DNAJC17: variants seen among roughly 807,000 people sequenced by gnomAD.
The protein encoded by DNAJC17 is dnaJ homolog subfamily C member 17.
DNAJC17 carries 35 observed loss-of-function variants against 48.1 expected under a neutral mutation model. The observed-to-expected ratio is 0.73, with a 90% CI of 0.56 to 0.96. DNAJC17 has a LOEUF of 0.96. DNAJC17 is among the 50% of genes least tolerant of loss of function. The pLI, the probability that DNAJC17 is intolerant of heterozygous loss-of-function variation, is 0.00. For synonymous variants in DNAJC17, 117 were observed against 142.7 expected (o/e 0.82, Z 1.28); for missense variants, 355 against 377.1 (o/e 0.94, Z 0.48).
intron 1 of DNAJC17, among the ~76,000 whole-genome samples, chr15:40,788,416 GC>G (rs1889699521): frequency 6.6e-6 from 1 of 152,186 alleles, no homozygotes; most frequent in South Asian, 2.1e-4. Context: ...TTAAAAATGG[GC>G]CGGGCACGGT....
intron 10 of DNAJC17, among the ~76,000 whole-genome samples, chr15:40,768,670 T>A (rs1184655156): frequency 6.6e-6 from 1 of 152,208 alleles, no homozygotes; most frequent in Non-Finnish European, 1.5e-5. Flanking sequence ...GCAGGGCCCA[T>A]AATCAAAAGA....
rs138353666 is a variant in DNAJC17, at chr15:40,780,300, G to A, written c.79-303C>T. ...TACCCCGCTTTCTCGACAGCCACTCGAAGACAGGTACTCTACACATTCTTG... is the reference window on the plus strand; with the variant it reads ...TACCCCGCTTTCTCGACAGCCACTCAAAGACAGGTACTCTACACATTCTTG... On this transcript the variant is annotated intron_variant, in intron 1 of 10. Transcript: ENST00000220496. 1.5e-3 allele frequency: 849 copies of A among 552,152 alleles called. 18 individuals are homozygous for A. Among genetic ancestry groups the A allele is most frequent in the South Asian group, 0.01 (677 of 65,402 alleles). The allele number at this position is 552,152 out of a possible 1,614,324, so 34.2% of individuals were successfully genotyped here.
At chr15:40,802,056 G>A (rs1469028733) in intron 1 of DNAJC17, among the ~76,000 whole-genome samples, 1 of 152,264 alleles carries the variant, frequency 6.6e-6, no homozygotes, top group African/African-American at 2.4e-5. Flanking sequence ...GAGAGGATAG[G>A]GAGGTACTGA....
intron 5 of DNAJC17, 33 bp downstream of exon 5, chr15:40,776,509 G>A: frequency 6.2e-7 from 1 of 1,611,406 alleles, no homozygotes; most frequent in Non-Finnish European, 8.5e-7. Context: ...CCTCCTGCAG[G>A]TGGCCTTCTG....
At chr15:40,802,430 A>T (rs1231505972) in intron 1 of DNAJC17, among the ~76,000 whole-genome samples, 1 of 152,140 alleles carries the variant, frequency 6.6e-6, no homozygotes, top group Non-Finnish European at 1.5e-5. Context: ...GGGCCTCTCG[A>T]AGTGCTGGGA....
chr15:40,783,154 G>A (rs1262670284), intron 1 of DNAJC17, among the ~76,000 whole-genome samples: 1 of 151,828 alleles, frequency 6.6e-6, no homozygotes, highest in Non-Finnish European at 1.5e-5. Context: ...CTGCTTTATT[G>A]TGCCTCCAGC....
rs754520029 is a variant in DNAJC17, at chr15:40,775,109, C to G, written c.523-1G>C. On this transcript the variant is annotated splice_acceptor_variant, in intron 7 of 10. Coordinates refer to ENST00000220496, the MANE Select transcript of DNAJC17 (RefSeq NM_018163.3). LOFTEE classifies it high-confidence loss of function. ...CCTCCTTCTTGCACTTCCATTTTAG[C>G]TGAAAAGAGAGCCTCATGAAACACT... The G allele has an allele frequency of 3.1e-6, 5 of 1,613,984 alleles. No homozygotes were observed. The Middle Eastern group carries it at 4.9e-4, about 159-fold the overall frequency.
chr15:40,776,754 C>T lies in DNAJC17; in HGVS notation c.296-127G>A, dbSNP rs186406051. The T allele has an allele frequency of 1.3e-5, 11 of 857,428 alleles. No individual in the cohort carries two copies. In the East Asian group the frequency reaches 2.7e-4, roughly 21 times the overall value. 53.1% of individuals were successfully genotyped at this position (857,428 alleles called of 1,614,324 possible). A position where few individuals can be genotyped will look rare whatever the true frequency, so the allele number is the denominator to read the frequency against. On this transcript the variant is annotated intron_variant, in intron 4 of 10. Transcript: ENST00000220496. The stretch of plus-strand genomic sequence containing the variant: ...CGAGATCATACAGTAACTCTGCCCC[C>T]TCCCTCCATGCCCACGCCCCCGAGT...
rs776225432 is a variant in DNAJC17, at chr15:40,779,171, T to C, written c.295+52A>G. On this transcript the variant is annotated intron_variant, in intron 4 of 10. Transcript: ENST00000220496. ...TGAAGCTTCAGGTGAGGGAGATGAATGAAAATGACCACAGGAAACCACAGG... is the reference window on the plus strand; with the variant it reads ...TGAAGCTTCAGGTGAGGGAGATGAACGAAAATGACCACAGGAAACCACAGG... The C allele has an allele frequency of 3.8e-6, 6 of 1,568,120 alleles. No homozygotes were observed. In the Admixed American group the frequency reaches 6.7e-5, roughly 17 times the overall value.
At chr15:40,784,122 G>C (rs1304878135) in intron 1 of DNAJC17, among the ~76,000 whole-genome samples, 1 of 152,100 alleles carries the variant, frequency 6.6e-6, no homozygotes, top group Non-Finnish European at 1.5e-5. Flanking sequence ...AGCTACTAGG[G>C]AGGCTGAGGC....
intron 10 of DNAJC17, among the ~76,000 whole-genome samples, chr15:40,772,733 C>T (rs972314755): frequency 6.6e-6 from 1 of 152,214 alleles, no homozygotes; most frequent in African/African-American, 2.4e-5. Flanking sequence ...AGGGAAGAAC[C>T]AGGTTGCTAG....
At chr15:40,784,057 T>C (rs1889576124) in intron 1 of DNAJC17, among the ~76,000 whole-genome samples, 1 of 151,004 alleles carries the variant, frequency 6.6e-6, no homozygotes, top group African/African-American at 2.4e-5. Context: ...TAAAACCCCG[T>C]CTCTACCAAA....
chr15:40,781,073 T>C (rs1451390844), intron 1 of DNAJC17, among the ~76,000 whole-genome samples: 7 of 143,940 alleles, frequency 4.9e-5, no homozygotes, highest in African/African-American at 1.8e-4. Context: ...GCTTGATTCA[T>C]GCAGGAGGCA....
At position 40,768,063 on chromosome 15, in the gene DNAJC17, C is replaced by T; in HGVS notation, c.793-1G>A. 12 of 1,556,754 alleles carry T rather than the reference C, an allele frequency of 7.7e-6. No homozygotes were observed. Among genetic ancestry groups the T allele is most frequent in the Non-Finnish European group, 1.0e-5 (12 of 1,154,736 alleles). ...AGTCCCTCTCTGACAGCACTGAGCC[C>T]TGTCGGACAGGGCAGGGACAGGGAG... On this transcript the variant is annotated splice_acceptor_variant, in intron 10 of 10. Coordinates refer to ENST00000220496, the MANE Select transcript of DNAJC17 (RefSeq NM_018163.3). LOFTEE classifies it high-confidence loss of function.
intron 1 of DNAJC17, among the ~76,000 whole-genome samples, chr15:40,803,756 C>A (rs1025063415): frequency 2.1e-5 from 3 of 145,414 alleles, no homozygotes. Flanking sequence ...TGAATCTTGC[C>A]CCCCCATTAA....
At chr15:40,781,989 T>G (rs1596083963) in intron 1 of DNAJC17, among the ~76,000 whole-genome samples, 1 of 152,064 alleles carries the variant, frequency 6.6e-6, no homozygotes, top group Admixed American at 6.6e-5. Flanking sequence ...CTCAGGCGGT[T>G]GAGGCGAGAG....
In DNAJC17 at chr15:40,770,424, T is replaced by C; in HGVS notation, c.793-2362A>G. On this transcript the variant is annotated intron_variant, in intron 10 of 10. Coordinates refer to ENST00000220496, the MANE Select transcript of DNAJC17 (RefSeq NM_018163.3). The surrounding 1 kb of genome is among the most constrained non-coding windows in gnomAD (Gnocchi z 5.0). Reference sequence around the variant, plus strand: ...GGGGAGCCTCCCCAGCTGCTGGCACTCACTGCCCCAGCAGGGACCACATGC... The same window carrying C: ...GGGGAGCCTCCCCAGCTGCTGGCACCCACTGCCCCAGCAGGGACCACATGC... 1 of 1,429,290 alleles carries C rather than the reference T, an allele frequency of 7.0e-7. No individual in the cohort carries two copies. Among genetic ancestry groups the C allele is most frequent in the Non-Finnish European group, 9.3e-7 (1 of 1,073,356 alleles). 88.5% of individuals were successfully genotyped at this position (1,429,290 alleles called of 1,614,324 possible).
intron 1 of DNAJC17, among the ~76,000 whole-genome samples, chr15:40,806,652 A>T (rs751334294): frequency 2.0e-5 from 3 of 152,054 alleles, no homozygotes; most frequent in Admixed American, 6.6e-5. Context: ...TCTCCTTCGT[A>T]TATTGTTAAA....
rs927039352 is a variant in DNAJC17 at position 40,767,856 on chromosome 15, G to C, written c.*84C>G. Reference sequence around the variant, plus strand: ...CCCAGCACCTTATACCTATGTATGGGATAGAGGTAAAATCTTAAAAAAAAA... The same window carrying C: ...CCCAGCACCTTATACCTATGTATGGCATAGAGGTAAAATCTTAAAAAAAAA... On this transcript the variant is annotated 3_prime_UTR_variant, in exon 11 of 11. Transcript: ENST00000220496. 1 of 1,563,674 alleles carries C rather than the reference G, an allele frequency of 6.4e-7. No homozygotes were observed. Among genetic ancestry groups the C allele is most frequent in the Non-Finnish European group, 8.6e-7 (1 of 1,158,690 alleles).
Sources: allele counts gnomAD v4.1 joint callset (sites outside exome capture counted in the v4.1 genomes callset), GRCh38; gene constraint gnomAD v4.1.1; non-coding constraint Gnocchi (gnomAD v3.1); transcripts MANE v1.5; gene names NCBI Gene and HGNC (gene_info 2026-07-23, HGNC 2026-07-21).